The following ADGRB3 variants were observed in gnomAD, a reference collection of about 807,000 sequenced individuals.
The protein encoded by ADGRB3 is brain-specific angiogenesis inhibitor 3.
ADGRB3 carries 37 observed loss-of-function variants against 193.4 expected under a neutral mutation model. That is an observed-to-expected ratio of 0.19 (90% confidence interval 0.15 to 0.25). The LOEUF (loss-of-function observed/expected upper bound fraction) is 0.25. ADGRB3 is among the 10% of genes least tolerant of loss of function. ADGRB3 has a pLI of 1.00. For missense variants in ADGRB3, 1,637 were observed against 1,852.9 expected (o/e 0.88, Z 2.14); for synonymous variants, 690 against 644.2 (o/e 1.07, Z -1.08).
chr6:69,243,207 C>T (rs545636283), intron 20 of ADGRB3, among the ~76,000 whole-genome samples: 20 of 151,832 alleles, frequency 1.3e-4, no homozygotes, highest in African/African-American at 4.8e-4. Context: ...AGCTCACTAC[C>T]AGGTTATAAA....
chr6:69,355,680 A>G (rs1052122407), intron 27 of ADGRB3, 141 bp from the exon 28 acceptor site: 2 of 686,090 alleles, frequency 2.9e-6, no homozygotes, highest in Non-Finnish European at 5.1e-6. Flanking sequence ...CTAATTATAC[A>G]TAGAGAAATT....
chr6:69,185,012 A>G (rs1323207931), intron 17 of ADGRB3, among the ~76,000 whole-genome samples: 1 of 152,142 alleles, frequency 6.6e-6, no homozygotes, highest in Non-Finnish European at 1.5e-5. Flanking sequence ...ATAGAATTAG[A>G]CTTATCAAAG....
chr6:68,875,897 A>T (rs1765582758), intron 3 of ADGRB3, among the ~76,000 whole-genome samples: 1 of 140,882 alleles, frequency 7.1e-6, no homozygotes, highest in African/African-American at 2.5e-5. Flanking sequence ...TTTCCCCCAT[A>T]TGATTATAAG....
chr6:69,365,920 T>G (rs968890368), intron 29 of ADGRB3, among the ~76,000 whole-genome samples: 13 of 152,088 alleles, frequency 8.5e-5, no homozygotes, highest in Non-Finnish European at 1.6e-4. Flanking sequence ...TAAGAAGCAC[T>G]TTAGATGTAA....
intron 20 of ADGRB3, among the ~76,000 whole-genome samples, chr6:69,315,393 C>T (rs1299354238): frequency 6.6e-6 from 1 of 151,500 alleles, no homozygotes; most frequent in Non-Finnish European, 1.5e-5. Context: ...TTTTAAGATG[C>T]AGTCAAACAT....
chr6:68,919,232 C>T (rs1766961270), intron 3 of ADGRB3, among the ~76,000 whole-genome samples: 1 of 152,076 alleles, frequency 6.6e-6, no homozygotes, highest in African/African-American at 2.4e-5. Flanking sequence ...TTTTGATAAG[C>T]CTAAAACAGC....
At chr6:68,884,837 A>G (rs1296728369) in intron 3 of ADGRB3, among the ~76,000 whole-genome samples, 1 of 152,184 alleles carries the variant, frequency 6.6e-6, no homozygotes, top group African/African-American at 2.4e-5. Flanking sequence ...ATAATTTCAG[A>G]CAACAGTACA....
At chr6:68,870,618 G>A (rs77483263) in intron 3 of ADGRB3, among the ~76,000 whole-genome samples, 2,130 of 152,218 alleles carry the variant, frequency 0.014, 28 homozygotes, top group Non-Finnish European at 0.02. Context: ...CGAGTTATCC[G>A]ACAATGAAGT....
chr6:69,222,669 A>G (rs957458467), intron 17 of ADGRB3, among the ~76,000 whole-genome samples: 1 of 152,176 alleles, frequency 6.6e-6, no homozygotes, highest in Admixed American at 6.6e-5. Flanking sequence ...AACATTGAAA[A>G]GAAAATATTA....
chr6:69,281,138 A>G (rs1767426349), intron 20 of ADGRB3, among the ~76,000 whole-genome samples: 1 of 152,204 alleles, frequency 6.6e-6, no homozygotes. Context: ...AATTTAGAGC[A>G]TACATTTCCA....
At chr6:69,055,564 C>T (rs753115695) in intron 15 of ADGRB3, among the ~76,000 whole-genome samples, 12 of 152,158 alleles carry the variant, frequency 7.9e-5, no homozygotes, top group Non-Finnish European at 1.8e-4. Flanking sequence ...TTGCTTCCAC[C>T]TCTTGGCAAT....
At chr6:68,786,117 A>C (rs375326907) in intron 3 of ADGRB3, among the ~76,000 whole-genome samples, 48 of 151,650 alleles carry the variant, frequency 3.2e-4, no homozygotes, top group Non-Finnish European at 5.1e-4. Context: ...TGTTCACTCT[A>C]ATGGTAGTTT....
At chr6:68,766,722 C>G (rs1266559879) in intron 3 of ADGRB3, among the ~76,000 whole-genome samples, 1 of 151,966 alleles carries the variant, frequency 6.6e-6, no homozygotes, top group East Asian at 1.9e-4. Flanking sequence ...TTGTCCCACT[C>G]TTCATGAGAA....
chr6:68,848,335 C>T (rs1470515829), intron 3 of ADGRB3, among the ~76,000 whole-genome samples: 1 of 151,986 alleles, frequency 6.6e-6, no homozygotes, highest in Non-Finnish European at 1.5e-5. Context: ...GCAACAATAG[C>T]AACTTCCCAT....
At chr6:69,358,589 G>A (rs1021600412) in intron 28 of ADGRB3, among the ~76,000 whole-genome samples, 2 of 151,876 alleles carry the variant, frequency 1.3e-5, no homozygotes, top group Non-Finnish European at 2.9e-5. Flanking sequence ...AGAGTTGTCT[G>A]TCTATGTTGA....
intron 3 of ADGRB3, among the ~76,000 whole-genome samples, chr6:68,910,024 A>C (rs9454646): frequency 0.024 from 3,652 of 152,252 alleles, 140 homozygotes; most frequent in African/African-American, 0.082. Flanking sequence ...TCCCACCAAC[A>C]GTGTAAAAGT....
intron 3 of ADGRB3, among the ~76,000 whole-genome samples, chr6:68,844,753 T>A (rs1768239928): frequency 6.6e-6 from 1 of 152,044 alleles, no homozygotes; most frequent in Non-Finnish European, 1.5e-5. Flanking sequence ...TAAAGAAAAT[T>A]TGGTACATGC....
intron 28 of ADGRB3, 107 bp from the exon 29 acceptor site, chr6:69,360,762 A>G (rs1769432519): frequency 1.7e-6 from 2 of 1,182,032 alleles, no homozygotes; most frequent in Non-Finnish European, 1.2e-6. Flanking sequence ...CATACCTACC[A>G]AATAATATAT....
intron 17 of ADGRB3, chr6:69,232,995 G>C (rs1041962240): frequency 6.9e-6 from 3 of 434,558 alleles, no homozygotes; most frequent in Non-Finnish European, 1.2e-5. Context: ...TGCTGCCGCC[G>C]CTGCCGCTGC....
Sources: allele counts gnomAD v4.1 joint callset (sites outside exome capture counted in the v4.1 genomes callset), GRCh38; gene constraint gnomAD v4.1.1; transcripts MANE v1.5; gene names NCBI Gene and HGNC (gene_info 2026-07-23, HGNC 2026-07-21).